The following PACSIN1 variants were observed in gnomAD, a reference collection of about 807,000 sequenced individuals.
PACSIN1 encodes protein kinase C and casein kinase substrate in neurons 1, also known as protein kinase C and casein kinase substrate in neurons protein 1.
Under a neutral mutation model 59.5 loss-of-function variants are expected in PACSIN1, and 15 were observed. The ratio of observed to expected loss-of-function variants is 0.25; its 90% CI spans 0.17 to 0.39. PACSIN1 has a LOEUF of 0.39. PACSIN1 is among the 10% of genes least tolerant of loss of function. PACSIN1 has a pLI of 1.00. For synonymous variants in PACSIN1, 210 were observed against 220.6 expected (o/e 0.95, Z 0.42); for missense variants, 420 against 580.2 (o/e 0.72, Z 2.84).
intron 1 of PACSIN1, among the ~76,000 whole-genome samples, chr6:34,487,454 C>T (rs974342103): frequency 2.6e-5 from 4 of 152,102 alleles, no homozygotes; most frequent in Non-Finnish European, 5.9e-5. Flanking sequence ...GTGGTTTTCC[C>T]TTCTCTACCA....
rs575755318 is a variant in PACSIN1, at chr6:34,485,979, C to T, written c.-64+19709C>T. On this transcript the variant is annotated intron_variant, in intron 1 of 9. Coordinates refer to ENST00000244458, the MANE Select transcript of PACSIN1 (RefSeq NM_020804.5). Reference sequence around the variant, plus strand: ...ACCAGAGGGAGGAGACACATGGGCCCGCAACGTGGGCGGCACTGGGTGGTC... The same window carrying T: ...ACCAGAGGGAGGAGACACATGGGCCTGCAACGTGGGCGGCACTGGGTGGTC... Among the ~76,000 whole-genome samples, 22 of 152,222 alleles carry T rather than the reference C, an allele frequency of 1.4e-4. No homozygotes were observed. The East Asian group carries it at 2.9e-3, about 20-fold the overall frequency.
At chr6:34,476,281 G>C (rs1766637518) in intron 1 of PACSIN1, among the ~76,000 whole-genome samples, 1 of 152,194 alleles carries the variant, frequency 6.6e-6, no homozygotes, top group African/African-American at 2.4e-5. Context: ...CCCATCTTCA[G>C]ATGGGTAAGC....
intron 1 of PACSIN1, among the ~76,000 whole-genome samples, chr6:34,499,531 C>T (rs1016991694): frequency 7.2e-5 from 11 of 152,042 alleles, no homozygotes; most frequent in South Asian, 2.1e-4. Flanking sequence ...CAGTGGCTCA[C>T]GCCTGTAATC....
rs1368189757 is a variant in PACSIN1 at position 34,532,840 on chromosome 6, C to G, written c.*310C>G. ...CCTGAGCCCTGAGGGATGGATGTCT[C>G]CTGACCCTTCCACCCCGCCTCACTC... On this transcript the variant is annotated 3_prime_UTR_variant, in exon 10 of 10. Coordinates refer to ENST00000244458, the MANE Select transcript of PACSIN1 (RefSeq NM_020804.5). The surrounding 1 kb of genome is among the most constrained non-coding windows in gnomAD (Gnocchi z 5.2). 2.2e-5 allele frequency: 6 copies of G among 267,100 alleles called. No individual in the cohort carries two copies. The highest frequency in any genetic ancestry group is 1.1e-4 in the African/African-American group (5 of 44,460). The allele number at this position is 267,100 out of a possible 1,614,324, so 16.5% of individuals were successfully genotyped here.
intron 1 of PACSIN1, among the ~76,000 whole-genome samples, chr6:34,512,015 G>C (rs1767210387): frequency 6.6e-6 from 1 of 152,160 alleles, no homozygotes; most frequent in Admixed American, 6.5e-5. Flanking sequence ...AGGAACAGGA[G>C]CTGAGGTTGG....
chr6:34,531,843 G>C lies in PACSIN1; in HGVS notation c.1225+56G>C, dbSNP rs1463229085. On this transcript the variant is annotated intron_variant, in intron 9 of 9. Coordinates refer to ENST00000244458, the MANE Select transcript of PACSIN1 (RefSeq NM_020804.5). The surrounding 1 kb of genome is among the most constrained non-coding windows in gnomAD (Gnocchi z 4.4). The stretch of plus-strand genomic sequence containing the variant: ...AGAGGCTTGGGCCTGGATTGGGTGT[G>C]TGGTGGTGCAGGGGCGGTGCCTGAG... The C allele has an allele frequency of 5.4e-6, 8 of 1,494,312 alleles. No homozygotes were observed. The highest frequency in any genetic ancestry group is 1.8e-4 in the Middle Eastern group (1 of 5,452). 92.6% of individuals were successfully genotyped at this position (1,494,312 alleles called of 1,614,324 possible). A position where few individuals can be genotyped will look rare whatever the true frequency, so the allele number is the denominator to read the frequency against.
intron 1 of PACSIN1, among the ~76,000 whole-genome samples, chr6:34,473,823 C>T (rs58117933): frequency 2.4e-3 from 358 of 152,314 alleles, no homozygotes; most frequent in African/African-American, 8.3e-3. Context: ...CAACACATGT[C>T]CAATCTCATC....
At position 34,468,605 on chromosome 6, in the gene PACSIN1, A is replaced by C. The variant is rs552435678; in HGVS notation, c.-64+2335A>C. ...AGCAAGTGGGGCTTCTGTCACCTGC[A>C]GGCCTTTGCACAGGCTGTTCCTGTC... On this transcript the variant is annotated intron_variant, in intron 1 of 9. Transcript: ENST00000244458. Among the ~76,000 whole-genome samples the C allele has an allele frequency of 5.9e-5, 9 of 152,282 alleles. No individual in the cohort carries two copies. The East Asian group carries it at 1.7e-3, about 29-fold the overall frequency.
chr6:34,484,468 G>A (rs1185652497), intron 1 of PACSIN1, among the ~76,000 whole-genome samples: 3 of 152,160 alleles, frequency 2.0e-5, no homozygotes, highest in Non-Finnish European at 4.4e-5. Context: ...AGGTAAACAG[G>A]TAGAAAGCAC....
chr6:34,468,782 C>G (rs1222395151), intron 1 of PACSIN1, among the ~76,000 whole-genome samples: 1 of 152,236 alleles, frequency 6.6e-6, no homozygotes, highest in East Asian at 1.9e-4. Context: ...GGAACCCTCC[C>G]ATCATGCAGT....
At chr6:34,499,111 G>C (rs1766988289) in intron 1 of PACSIN1, among the ~76,000 whole-genome samples, 1 of 152,014 alleles carries the variant, frequency 6.6e-6, no homozygotes, top group Non-Finnish European at 1.5e-5. Flanking sequence ...TGGGAGCCCA[G>C]AGCTTTTCCT....
intron 1 of PACSIN1, among the ~76,000 whole-genome samples, chr6:34,478,571 C>T (rs371946163): frequency 1.4e-5 from 2 of 145,566 alleles, no homozygotes; most frequent in African/African-American, 5.1e-5. Flanking sequence ...TGGGGTTTCA[C>T]TATGTTGGTC....
intron 1 of PACSIN1, chr6:34,484,981 C>G (rs1325799858): frequency 6.6e-6 from 1 of 151,886 alleles, no homozygotes; most frequent in Non-Finnish European, 1.5e-5. Flanking sequence ...CTGCAGATGT[C>G]AAGGGAGGAG....
intron 1 of PACSIN1, among the ~76,000 whole-genome samples, chr6:34,475,616 C>A (rs1482540667): frequency 6.6e-6 from 1 of 152,188 alleles, no homozygotes; most frequent in Admixed American, 6.5e-5. Flanking sequence ...CTAGCCTCCC[C>A]CTGCATCTCC....
chr6:34,527,392 C>T lies in PACSIN1; in HGVS notation c.124C>T (p.Leu42=), dbSNP rs1430713797. Residue 42 remains leucine (L), a synonymous_variant, in exon 3 of 10, where the codon CTG becomes TTG. Coordinates refer to ENST00000244458, the MANE Select transcript of PACSIN1 (RefSeq NM_020804.5). ...TGACGGCCACCGTCTATGCAACGAC[C>T]TGATGAACTGCGTGCAGGAGCGCGC... is the stretch of plus-strand genomic sequence containing the variant. ...IDDGHRLCND[L]MNCVQERAKI... 4 of 1,601,218 alleles carry T rather than the reference C, an allele frequency of 2.5e-6. No homozygotes were observed. Among genetic ancestry groups the T allele is most frequent in the Non-Finnish European group, 3.4e-6 (4 of 1,175,142 alleles).
chr6:34,527,367 T>C lies in PACSIN1; in HGVS notation c.99T>C (p.Asp33=). ...ACAAGCGGACCGTGAAGCGCATCGA[T>C]GACGGCCACCGTCTATGCAACGACC... is the stretch of plus-strand genomic sequence containing the variant. The part of the protein sequence containing the change: ...GNYKRTVKRI[D]DGHRLCNDLM... Residue 33 remains aspartate (D), a synonymous_variant, in exon 3 of 10, where the codon GAT becomes GAC. Coordinates refer to ENST00000244458, the MANE Select transcript of PACSIN1 (RefSeq NM_020804.5). The C allele has an allele frequency of 6.3e-7, 1 of 1,594,612 alleles. No individual in the cohort carries two copies. The highest frequency in any genetic ancestry group is 1.1e-5 in the South Asian group (1 of 88,204).
chr6:34,478,397 G>A (rs1348038831), intron 1 of PACSIN1, among the ~76,000 whole-genome samples: 1 of 100,438 alleles, frequency 1.0e-5, no homozygotes, highest in Non-Finnish European at 1.9e-5. Context: ...TTTTGAGATG[G>A]AGTCTCGCTC....
At chr6:34,507,169 C>G (rs1767128609) in intron 1 of PACSIN1, among the ~76,000 whole-genome samples, 1 of 152,122 alleles carries the variant, frequency 6.6e-6, no homozygotes, top group South Asian at 2.1e-4. Flanking sequence ...CAGCAGGAAG[C>G]AAAGAGCAGG....
intron 1 of PACSIN1, among the ~76,000 whole-genome samples, chr6:34,503,413 A>C (rs370618165): frequency 1.3e-4 from 20 of 152,318 alleles, no homozygotes; most frequent in African/African-American, 4.6e-4. Flanking sequence ...AATGGGGAGG[A>C]AAGTGCTTTG....
Sources: gnomAD v4.1 joint callset for allele counts (sites outside exome capture counted in the v4.1 genomes callset) on GRCh38, gnomAD v4.1.1 for gene constraint, Gnocchi (gnomAD v3.1) non-coding constraint, MANE v1.5 for transcripts, NCBI Gene and HGNC (gene_info 2026-07-23, HGNC 2026-07-21) for gene names.